RAPGEF2: variants seen among roughly 807,000 people sequenced by gnomAD.
RAPGEF2 encodes the protein PDZ domain containing guanine nucleotide exchange factor (GEF) 1.
Under a neutral mutation model 186.7 loss-of-function variants are expected in RAPGEF2, and 54 were observed. The observed-to-expected ratio is 0.29, with a 90% confidence interval of 0.23 to 0.36. RAPGEF2 has a LOEUF of 0.36. RAPGEF2 is among the 10% of genes least tolerant of loss of function. The pLI is 1.00. For synonymous variants in RAPGEF2, 712 were observed against 705.9 expected (o/e 1.01, Z -0.14); for missense variants, 1,532 against 2,045.0 (o/e 0.75, Z 4.84).
rs541972860 is a variant in RAPGEF2, at chr4:159,105,279, A to C, written c.69+1048A>C. ...CTCCTGATCCTTGGGACCATCAGAC[A>C]TTTAGGATCTAATGCTTGAAAGTGT... is the stretch of plus-strand genomic sequence containing the variant. On this transcript the variant is annotated intron_variant, in intron 1 of 29. Transcript: ENST00000691494. Among the ~76,000 whole-genome samples the C allele has an allele frequency of 1.1e-3, 161 of 152,370 alleles. 1 individual carries two copies. The highest frequency in any genetic ancestry group is 3.6e-3 in the African/African-American group (149 of 41,590).
intron 1 of RAPGEF2, among the ~76,000 whole-genome samples, chr4:159,173,268 T>C (rs1379811984): frequency 1.3e-5 from 2 of 152,178 alleles, no homozygotes; most frequent in Non-Finnish European, 2.9e-5. Flanking sequence ...TCTTTTTTGC[T>C]AAGAGGCAAT....
intron 1 of RAPGEF2, among the ~76,000 whole-genome samples, chr4:159,111,848 A>G (rs192991019): frequency 1.4e-4 from 22 of 152,320 alleles, no homozygotes; most frequent in Non-Finnish European, 2.2e-4. Context: ...TGTACCCTTT[A>G]ACCGGTTTCT....
chr4:159,181,335 G>C (rs1353341673), intron 1 of RAPGEF2, among the ~76,000 whole-genome samples: 2 of 152,032 alleles, frequency 1.3e-5, no homozygotes, highest in African/African-American at 4.8e-5. Flanking sequence ...TCCTGACATA[G>C]CTTTTAAAAA....
At chr4:159,169,658 A>G (rs887958700) in intron 1 of RAPGEF2, among the ~76,000 whole-genome samples, 3 of 151,736 alleles carry the variant, frequency 2.0e-5, no homozygotes, top group African/African-American at 7.3e-5. Context: ...TAGATTCTAC[A>G]TATAGATGAA....
In RAPGEF2 at chr4:159,244,698, A is replaced by T. The variant is rs115114015; in HGVS notation, c.543+907A>T. On this transcript the variant is annotated intron_variant, in intron 7 of 29. Coordinates refer to ENST00000691494, the MANE Select transcript of RAPGEF2 (RefSeq NM_001394067.2). ...CACATTGGGGAAATCTATCATTGAT[A>T]TATCTTTGGCTATTAGAGTAACTTT... Among the ~76,000 whole-genome samples the T allele has an allele frequency of 8.0e-3, 1,213 of 152,068 alleles. 14 individuals are homozygous for T. The highest frequency in any genetic ancestry group is 0.027 in the African/African-American group (1,139 of 41,548).
chr4:159,175,905 G>A (rs1746406092), intron 1 of RAPGEF2, among the ~76,000 whole-genome samples: 1 of 152,144 alleles, frequency 6.6e-6, no homozygotes. Flanking sequence ...CACATCCACC[G>A]TTCGTTGCTA....
chr4:159,315,778 A>G (rs1235574812), intron 9 of RAPGEF2, among the ~76,000 whole-genome samples: 1 of 152,138 alleles, frequency 6.6e-6, no homozygotes, highest in Non-Finnish European at 1.5e-5. Flanking sequence ...CATATCAGAG[A>G]CTTTTAGTAC....
intron 3 of RAPGEF2, among the ~76,000 whole-genome samples, chr4:159,202,546 C>A (rs763709490): frequency 1.8e-4 from 28 of 152,116 alleles, no homozygotes; most frequent in Non-Finnish European, 3.8e-4. Flanking sequence ...CAACGCCTGC[C>A]GCTCTGTTTT....
intron 4 of RAPGEF2, among the ~76,000 whole-genome samples, chr4:159,222,892 G>C (rs1026562705): frequency 3.3e-5 from 5 of 149,758 alleles, no homozygotes; most frequent in African/African-American, 1.2e-4. Context: ...TCATAGTTCA[G>C]GGACACTTTT....
intron 1 of RAPGEF2, among the ~76,000 whole-genome samples, chr4:159,126,435 C>A (rs1334013177): frequency 6.6e-6 from 1 of 151,706 alleles, no homozygotes; most frequent in Admixed American, 6.6e-5. Flanking sequence ...AACTTAAAAT[C>A]TGGCTTTTTG....
chr4:159,222,625 G>C (rs993736145), intron 4 of RAPGEF2, among the ~76,000 whole-genome samples: 18 of 152,160 alleles, frequency 1.2e-4, no homozygotes, highest in African/African-American at 4.3e-4. Context: ...CATAACTCTT[G>C]TCTGTGCCCC....
chr4:159,312,326 T>C (rs890437923), intron 8 of RAPGEF2, among the ~76,000 whole-genome samples: 1 of 152,158 alleles, frequency 6.6e-6, no homozygotes, highest in Non-Finnish European at 1.5e-5. Context: ...TAATAAATAG[T>C]CTTCAATGTG....
At chr4:159,142,884 A>G (rs1742503159) in intron 1 of RAPGEF2, among the ~76,000 whole-genome samples, 1 of 152,232 alleles carries the variant, frequency 6.6e-6, no homozygotes, top group Non-Finnish European at 1.5e-5. Context: ...CAGGGCTGAC[A>G]CAGATGGTAT....
At chr4:159,172,247 A>G (rs1406304065) in intron 1 of RAPGEF2, among the ~76,000 whole-genome samples, 1 of 152,232 alleles carries the variant, frequency 6.6e-6, no homozygotes, top group South Asian at 2.1e-4. Context: ...TTCTTCCTGT[A>G]TGGGTCCTGT....
At chr4:159,333,479 G>T (rs1766981796) in intron 17 of RAPGEF2, among the ~76,000 whole-genome samples, 1 of 151,956 alleles carries the variant, frequency 6.6e-6, no homozygotes, top group African/African-American at 2.4e-5. Context: ...TCTATTTTCA[G>T]TTATTTAATT....
At chr4:159,316,629 C>A (rs988217787) in intron 9 of RAPGEF2, among the ~76,000 whole-genome samples, 1 of 152,174 alleles carries the variant, frequency 6.6e-6, no homozygotes, top group Admixed American at 6.5e-5. Context: ...CCATCCATGT[C>A]CCTGCAAAGG....
chr4:159,187,858 C>T (rs1284191913), intron 2 of RAPGEF2, among the ~76,000 whole-genome samples: 2 of 152,040 alleles, frequency 1.3e-5, no homozygotes, highest in Non-Finnish European at 2.9e-5. Flanking sequence ...ATGCTTTTTC[C>T]ATATATTTCC....
chr4:159,317,055 A>G (rs1402292354), intron 9 of RAPGEF2, among the ~76,000 whole-genome samples: 1 of 152,152 alleles, frequency 6.6e-6, no homozygotes, highest in Non-Finnish European at 1.5e-5. Context: ...AATGAACTGA[A>G]TCTGTTGGAA....
At chr4:159,242,801 A>G (rs75113113) in intron 6 of RAPGEF2, among the ~76,000 whole-genome samples, 2,102 of 152,198 alleles carry the variant, frequency 0.014, 67 homozygotes, top group African/African-American at 0.048. Flanking sequence ...TATTAATAGT[A>G]CAACACAGAT....
Sources: gnomAD v4.1 joint callset for allele counts (sites outside exome capture counted in the v4.1 genomes callset) on GRCh38, gnomAD v4.1.1 for gene constraint, MANE v1.5 for transcripts, NCBI Gene and HGNC (gene_info 2026-07-23, HGNC 2026-07-21) for gene names.